Variants in DSCAML1 observed in about 807,000 individuals in gnomAD.
DSCAML1 encodes DS cell adhesion molecule like 1.
A neutral mutation model predicts 200.5 loss-of-function variants in DSCAML1; 38 were observed. The observed-to-expected ratio is 0.19, with a 90% confidence interval of 0.15 to 0.25. The LOEUF (loss-of-function observed/expected upper bound fraction) is 0.25, where lower values mean the gene tolerates loss of function less well. Among genes scored for constraint, DSCAML1 ranks in the 10% least tolerant of loss-of-function variants. DSCAML1 has a pLI of 1.00. For missense variants in DSCAML1, 2,223 were observed against 2,858.8 expected (o/e 0.78, Z 5.07); for synonymous variants, 1,215 against 1,165.0 (o/e 1.04, Z -0.87).
chr11:117,601,742 C>T (rs2051470027), intron 3 of DSCAML1, among the ~76,000 whole-genome samples: 1 of 152,216 alleles, frequency 6.6e-6, no homozygotes, highest in Non-Finnish European at 1.5e-5. Context: ...CGCCCTTGAA[C>T]ACATGGGACC....
intron 21 of DSCAML1, among the ~76,000 whole-genome samples, chr11:117,441,969 GGTGTGTGTGCAT>G (rs1240296915): frequency 6.6e-6 from 1 of 152,028 alleles, no homozygotes. Flanking sequence ...TGTGTCTCAG[GGTGTGTGTGCAT>G]ATGTGTGTGT....
intron 3 of DSCAML1, among the ~76,000 whole-genome samples, chr11:117,644,822 T>C (rs2052489518): frequency 6.6e-6 from 1 of 152,202 alleles, no homozygotes; most frequent in Non-Finnish European, 1.5e-5. Flanking sequence ...CTATGGTTGG[T>C]GTGGTCAAGG....
chr11:117,663,173 C>G (rs1290377305), intron 3 of DSCAML1, among the ~76,000 whole-genome samples: 2 of 152,230 alleles, frequency 1.3e-5, no homozygotes, highest in Non-Finnish European at 2.9e-5. Flanking sequence ...ACCGAAAAGC[C>G]AGCCTTCGAT....
At position 117,504,010 on chromosome 11, in the gene DSCAML1, G is replaced by T; in HGVS notation, c.2194C>A (p.Pro732Thr). The change falls in exon 11 of 33, where the codon CCC becomes ACC. Residue 732 changes from proline (P) to threonine (T), a missense_variant. Physicochemically the swap from Pro to Thr is conservative, Grantham distance 38. This residue lies in a region of DSCAML1 where 212 missense variants were observed against 368.0 expected (regional missense o/e 0.58). Coordinates refer to ENST00000651296, the MANE Select transcript of DSCAML1 (RefSeq NM_020693.4). This position sits in a 1 kb window ranked among gnomAD's most constrained non-coding sequence, Gnocchi z 5.0. ...MWKHAKGSGN[P>T]QQYHPVPLTG... The stretch of plus-strand genomic sequence containing the variant: ...AGGGGCACAGGGTGGTACTGCTGGG[G>T]GTTCCCGCTCCCTGGAAGGAGGCAG... 6.2e-7 allele frequency: 1 copy of T among 1,614,024 alleles called. No homozygotes were observed. Among genetic ancestry groups the T allele is most frequent in the Non-Finnish European group, 8.5e-7 (1 of 1,179,972 alleles).
At chr11:117,519,319 GC>G (rs2049843902) in intron 6 of DSCAML1, among the ~76,000 whole-genome samples, 2 of 152,146 alleles carry the variant, frequency 1.3e-5, no homozygotes, top group Admixed American at 6.5e-5. Flanking sequence ...TTAGCACAAG[GC>G]CTTAAGTCTG....
intron 11 of DSCAML1, among the ~76,000 whole-genome samples, chr11:117,493,289 G>A (rs2137252125): frequency 6.6e-6 from 1 of 151,446 alleles, no homozygotes; most frequent in African/African-American, 2.4e-5. Flanking sequence ...TGAAGATGGG[G>A]ACCCAGTTTT....
chr11:117,534,514 C>T (rs1023341328), intron 3 of DSCAML1, among the ~76,000 whole-genome samples: 2 of 152,168 alleles, frequency 1.3e-5, no homozygotes, highest in African/African-American at 4.8e-5. Flanking sequence ...CTGAACCAGC[C>T]GAAACCCGTG....
intron 11 of DSCAML1, among the ~76,000 whole-genome samples, chr11:117,494,928 A>T (rs1349640496): frequency 1.3e-5 from 2 of 152,218 alleles, no homozygotes; most frequent in East Asian, 3.8e-4. Flanking sequence ...TCAAGCGCAC[A>T]TGGGCCTGCC....
chr11:117,475,721 C>T (rs1333567595), intron 14 of DSCAML1, among the ~76,000 whole-genome samples: 1 of 152,204 alleles, frequency 6.6e-6, no homozygotes. Flanking sequence ...CTTTGCCATT[C>T]CCCTCCTTGC....
chr11:117,509,563 C>G (rs901119750), intron 8 of DSCAML1, among the ~76,000 whole-genome samples: 14 of 152,200 alleles, frequency 9.2e-5, no homozygotes, highest in Admixed American at 4.6e-4. Context: ...CACATCCGGT[C>G]AATACACACA....
At chr11:117,641,910 C>G (rs1001090818) in intron 3 of DSCAML1, among the ~76,000 whole-genome samples, 2 of 152,104 alleles carry the variant, frequency 1.3e-5, no homozygotes, top group Non-Finnish European at 2.9e-5. Context: ...GTCTTACCCA[C>G]GAGGGAAACT....
At chr11:117,705,364 A>G (rs1299312062) in intron 3 of DSCAML1, among the ~76,000 whole-genome samples, 2 of 152,134 alleles carry the variant, frequency 1.3e-5, no homozygotes, top group Admixed American at 6.6e-5. Context: ...TTAATATTAC[A>G]TTTTATTTTT....
At chr11:117,488,556 C>CA (rs2049124686) in intron 11 of DSCAML1, among the ~76,000 whole-genome samples, 1 of 151,032 alleles carries the variant, frequency 6.6e-6, no homozygotes, top group African/African-American at 2.4e-5. Context: ...CACACACACA[C>CA]CACACACAGA....
Position 117,504,133 on chromosome 11 carries a change from C to T in DSCAML1, c.2183-112G>A. 1 of 1,267,884 alleles carries T rather than the reference C, an allele frequency of 7.9e-7. No individual in the cohort carries two copies. The highest frequency in any genetic ancestry group is 1.4e-5 in the South Asian group (1 of 69,200). 78.5% of individuals were successfully genotyped at this position (1,267,884 alleles called of 1,614,324 possible). ...TTGCAGATCTAGGGCCATTTTGTAG[C>T]AGAGCTGCACCATCCCCAAAGTGCT... On this transcript the variant is annotated intron_variant, in intron 10 of 32. Coordinates refer to ENST00000651296, the MANE Select transcript of DSCAML1 (RefSeq NM_020693.4). The surrounding 1 kb of genome is among the most constrained non-coding windows in gnomAD (Gnocchi z 5.0).
intron 3 of DSCAML1, among the ~76,000 whole-genome samples, chr11:117,752,326 A>C (rs7115627): frequency 0.021 from 3,142 of 152,312 alleles, 96 homozygotes; most frequent in African/African-American, 0.071. Context: ...TTATTTACTC[A>C]GGTGACTCAT....
rs1463874552 is a variant in DSCAML1 at position 117,776,825 on chromosome 11, T to C, written c.477A>G (p.Val159=). 6 of 1,614,008 alleles carry C rather than the reference T, an allele frequency of 3.7e-6. No individual in the cohort carries two copies. The highest frequency in any genetic ancestry group is 5.1e-6 in the Non-Finnish European group (6 of 1,180,034). ...PSSVQEYVSV[V]SWEKDTVSII... ...TGGAGACTGTGTCTTTCTCCCAAGA[T>C]ACAACGCTAACATATTCCTGCACTG... Residue 159 remains valine (V), a synonymous_variant, in exon 3 of 33, where the codon GTA becomes GTG. Coordinates refer to ENST00000651296, the MANE Select transcript of DSCAML1 (RefSeq NM_020693.4).
At chr11:117,783,421 T>C (rs2055297283) in intron 1 of DSCAML1, among the ~76,000 whole-genome samples, 1 of 152,160 alleles carries the variant, frequency 6.6e-6, no homozygotes, top group East Asian at 1.9e-4. Flanking sequence ...CTAAGTATGA[T>C]GTAGCCCTCT....
chr11:117,688,225 G>A (rs768665943), intron 3 of DSCAML1, among the ~76,000 whole-genome samples: 4 of 152,238 alleles, frequency 2.6e-5, no homozygotes, highest in African/African-American at 7.2e-5. Flanking sequence ...TGCCAACCCC[G>A]AGGGGCAGAG....
chr11:117,781,029 G>T (rs1354227461), intron 1 of DSCAML1, among the ~76,000 whole-genome samples: 1 of 152,160 alleles, frequency 6.6e-6, no homozygotes, highest in African/African-American at 2.4e-5. Flanking sequence ...GGGTGCGGCG[G>T]CTCATGCCTG....
Sources: allele counts gnomAD v4.1 joint callset (sites outside exome capture counted in the v4.1 genomes callset), GRCh38; gene constraint gnomAD v4.1.1; regional missense constraint gnomAD v4.1.1; non-coding constraint Gnocchi (gnomAD v3.1); transcripts MANE v1.5; gene names NCBI Gene and HGNC (gene_info 2026-07-23, HGNC 2026-07-21).